SCHIP1: variants seen among roughly 807,000 people sequenced by gnomAD.
SCHIP1 encodes schwannomin interacting protein 1.
Under a neutral mutation model 29.7 loss-of-function variants are expected in SCHIP1, and 8 were observed. That is an observed-to-expected ratio of 0.27 (90% CI 0.16 to 0.49). The LOEUF is 0.49. Ranked by LOEUF, SCHIP1 falls within the 20% of genes least tolerant of loss-of-function variation. SCHIP1 has a pLI of 0.99. For synonymous variants in SCHIP1, 76 were observed against 94.9 expected (o/e 0.80, Z 1.16); for missense variants, 193 against 294.6 (o/e 0.66, Z 2.52).
the SCHIP1 span, among the ~76,000 whole-genome samples, chr3:159,646,182 C>T: frequency 1.1e-4 from 17 of 152,156 alleles, no homozygotes; most frequent in Admixed American, 1.1e-3. Flanking sequence ...AGATGCATCT[C>T]ACCACTCTCC....
chr3:159,500,012 G>A, the SCHIP1 span, among the ~76,000 whole-genome samples: 9 of 151,430 alleles, frequency 5.9e-5, no homozygotes, highest in African/African-American at 1.5e-4. Context: ...AGTGACTCCC[G>A]GAGAAGGAAA....
At chr3:159,646,517 G>A in the SCHIP1 span, among the ~76,000 whole-genome samples, 8 of 152,014 alleles carry the variant, frequency 5.3e-5, no homozygotes, top group Admixed American at 2.6e-4. Flanking sequence ...ACTCATCATC[G>A]TGGTCTAAAA....
the SCHIP1 span, among the ~76,000 whole-genome samples, chr3:159,312,124 A>C: frequency 6.6e-6 from 1 of 152,218 alleles, no homozygotes; most frequent in Non-Finnish European, 1.5e-5. Context: ...TAGACACGAC[A>C]TACAGTATAT....
the SCHIP1 span, among the ~76,000 whole-genome samples, chr3:159,570,512 T>G: frequency 7.9e-5 from 12 of 152,204 alleles, no homozygotes; most frequent in Non-Finnish European, 1.5e-4. Context: ...ATATATCTGT[T>G]TTGGTACCAG....
At chr3:159,639,726 T>C in the SCHIP1 span, among the ~76,000 whole-genome samples, 1 of 152,188 alleles carries the variant, frequency 6.6e-6, no homozygotes. Flanking sequence ...CCACTGTAGA[T>C]GTTAGCCTCT....
At chr3:159,317,900 G>A in the SCHIP1 span, among the ~76,000 whole-genome samples, 1,488 of 152,320 alleles carry the variant, frequency 9.8e-3, 26 homozygotes, top group African/African-American at 0.034. Context: ...CCCTTTCCAT[G>A]ATGGAAGAAT....
the SCHIP1 span, among the ~76,000 whole-genome samples, chr3:159,510,500 G>A: frequency 7.8e-3 from 1,189 of 152,094 alleles, 9 homozygotes; most frequent in South Asian, 0.026. Flanking sequence ...GCTTTGTTCC[G>A]TTGCTGGTAA....
chr3:159,378,808 G>A, the SCHIP1 span, among the ~76,000 whole-genome samples: 35 of 152,288 alleles, frequency 2.3e-4, no homozygotes, highest in African/African-American at 7.9e-4. Flanking sequence ...AGTCACTGTG[G>A]CAATTAATAA....
chr3:159,616,842 A>G, the SCHIP1 span, among the ~76,000 whole-genome samples: 1 of 152,188 alleles, frequency 6.6e-6, no homozygotes, highest in Non-Finnish European at 1.5e-5. Context: ...AACAGCCGCC[A>G]TCTAGATCTG....
the SCHIP1 span, among the ~76,000 whole-genome samples, chr3:159,558,453 G>T: frequency 1.3e-5 from 2 of 152,188 alleles, no homozygotes; most frequent in Non-Finnish European, 2.9e-5. Flanking sequence ...ATCCAGGAGA[G>T]ATTTCTACTG....
intron 2 of SCHIP1, among the ~76,000 whole-genome samples, chr3:159,871,618 C>T (rs1368939966): frequency 6.6e-6 from 1 of 152,146 alleles, no homozygotes; most frequent in East Asian, 1.9e-4. Flanking sequence ...TTGAAAGTAT[C>T]TAGGAGTCTT....
intron 1 of SCHIP1, among the ~76,000 whole-genome samples, chr3:159,848,023 A>T (rs1712075015): frequency 6.6e-6 from 1 of 152,186 alleles, no homozygotes; most frequent in Non-Finnish European, 1.5e-5. Context: ...ATGATAGGAA[A>T]ATCTTTTGAC....
chr3:159,428,496 A>T, the SCHIP1 span, among the ~76,000 whole-genome samples: 1 of 152,216 alleles, frequency 6.6e-6, no homozygotes, highest in African/African-American at 2.4e-5. Flanking sequence ...CCACAATGAG[A>T]TACCATCTCA....
the SCHIP1 span, among the ~76,000 whole-genome samples, chr3:159,742,922 G>A: frequency 6.8e-6 from 1 of 147,566 alleles, no homozygotes; most frequent in Non-Finnish European, 1.5e-5. Context: ...CCTGACCTCA[G>A]GTGATCCACA....
the SCHIP1 span, among the ~76,000 whole-genome samples, chr3:159,368,669 G>T: frequency 6.6e-6 from 1 of 152,254 alleles, no homozygotes; most frequent in African/African-American, 2.4e-5. Context: ...TTTTGGAAGT[G>T]TTGCTAGGAC....
the SCHIP1 span, among the ~76,000 whole-genome samples, chr3:159,665,951 C>T: frequency 6.6e-6 from 1 of 152,142 alleles, no homozygotes; most frequent in African/African-American, 2.4e-5. Context: ...CCTCCTCCTG[C>T]CTTCCAGTCT....
At chr3:159,353,961 A>C in the SCHIP1 span, among the ~76,000 whole-genome samples, 1 of 152,172 alleles carries the variant, frequency 6.6e-6, no homozygotes, top group Non-Finnish European at 1.5e-5. Flanking sequence ...ATTTAGGATA[A>C]ATTTTACTAG....
chr3:159,396,123 T>A, the SCHIP1 span, among the ~76,000 whole-genome samples: 9 of 137,566 alleles, frequency 6.5e-5, no homozygotes, highest in African/African-American at 2.1e-4. Flanking sequence ...GTCTGTTTTA[T>A]CAGAGACTAG....
At chr3:159,505,225 T>A in the SCHIP1 span, among the ~76,000 whole-genome samples, 123 of 152,292 alleles carry the variant, frequency 8.1e-4, no homozygotes, top group African/African-American at 2.9e-3. Flanking sequence ...CTCAAAATTA[T>A]TGAATAAGTC....
Sources: gnomAD v4.1 joint callset for allele counts (sites outside exome capture counted in the v4.1 genomes callset) on GRCh38, gnomAD v4.1.1 for gene constraint, MANE v1.5 for transcripts, NCBI Gene and HGNC (gene_info 2026-07-23, HGNC 2026-07-21) for gene names.